Variants in CADM1 observed in about 807,000 individuals in gnomAD.
CADM1 encodes TSLC-1.
CADM1 carries 15 observed loss-of-function variants against 53.1 expected under a neutral mutation model. The ratio of observed to expected loss-of-function variants is 0.28; its 90% CI spans 0.19 to 0.44. The LOEUF (loss-of-function observed/expected upper bound fraction) is 0.44, where lower values mean the gene tolerates loss of function less well. Among genes scored for constraint, CADM1 ranks in the 20% least tolerant of loss-of-function variants. CADM1 has a pLI of 1.00. For synonymous variants in CADM1, 281 were observed against 243.0 expected, an observed-to-expected ratio of 1.16 and a Z score of -1.45; for missense variants, 434 against 611.3, an observed-to-expected ratio of 0.71 and a Z score of 3.06.
intron 8 of CADM1, among the ~76,000 whole-genome samples, chr11:115,207,856 G>A (rs751121978): frequency 6.6e-6 from 1 of 152,144 alleles, no homozygotes; most frequent in Non-Finnish European, 1.5e-5. Context: ...GAATTACGCA[G>A]TATATTTTAC....
At chr11:115,479,707 T>C (rs1379162975) in intron 1 of CADM1, among the ~76,000 whole-genome samples, 1 of 152,192 alleles carries the variant, frequency 6.6e-6, no homozygotes, top group African/African-American at 2.4e-5. Context: ...GGGAAAAATG[T>C]ATTATAAACA....
chr11:115,191,780 T>TA (rs1468319618), intron 9 of CADM1, among the ~76,000 whole-genome samples: 3 of 152,356 alleles, frequency 2.0e-5, no homozygotes, highest in African/African-American at 7.2e-5. Flanking sequence ...CACAAAATGT[T>TA]AGACATTCAA....
intron 1 of CADM1, among the ~76,000 whole-genome samples, chr11:115,473,244 A>C (rs936655190): frequency 3.3e-5 from 5 of 152,204 alleles, no homozygotes; most frequent in East Asian, 1.9e-4. Flanking sequence ...GGATCGCTTG[A>C]GGGCAGGAGT....
intron 4 of CADM1, 152 bp downstream of exon 4, chr11:115,231,201 T>C (rs1941800447): frequency 1.2e-6 from 1 of 868,166 alleles, no homozygotes; most frequent in Non-Finnish European, 1.9e-6. Context: ...TTTTATGCTT[T>C]GGCCTCAGAC....
intron 1 of CADM1, among the ~76,000 whole-genome samples, chr11:115,503,374 G>C (rs1226751480): frequency 1.3e-5 from 2 of 152,220 alleles, no homozygotes; most frequent in East Asian, 3.9e-4. Context: ...CTTCACGCAG[G>C]GAGCGCGCGG....
At chr11:115,277,555 G>A (rs926978480) in intron 1 of CADM1, among the ~76,000 whole-genome samples, 1 of 152,164 alleles carries the variant, frequency 6.6e-6, no homozygotes, top group African/African-American at 2.4e-5. Context: ...AATTGTGAAA[G>A]ATGAGAGGAA....
chr11:115,344,316 A>G (rs772959997), intron 1 of CADM1, among the ~76,000 whole-genome samples: 2 of 152,074 alleles, frequency 1.3e-5, no homozygotes, highest in African/African-American at 2.4e-5. Context: ...CTTCAATGTC[A>G]TATCTTTGTT....
At chr11:115,462,922 G>A (rs1948826441) in intron 1 of CADM1, among the ~76,000 whole-genome samples, 1 of 152,166 alleles carries the variant, frequency 6.6e-6, no homozygotes, top group African/African-American at 2.4e-5. Flanking sequence ...GATGAAGCAG[G>A]ATGAAGAGGG....
At chr11:115,355,785 T>A (rs1359913488) in intron 1 of CADM1, among the ~76,000 whole-genome samples, 2 of 152,128 alleles carry the variant, frequency 1.3e-5, no homozygotes, top group Non-Finnish European at 2.9e-5. Context: ...AGTTCTCTTA[T>A]ACTTTATGCA....
At chr11:115,240,118 A>C (rs1942172238) in intron 2 of CADM1, among the ~76,000 whole-genome samples, 156 bp downstream of exon 2, 1 of 152,220 alleles carries the variant, frequency 6.6e-6, no homozygotes, top group South Asian at 2.1e-4. Context: ...TTAAGTAGAA[A>C]GATTATGATT....
chr11:115,384,537 C>T (rs1333404722), intron 1 of CADM1, among the ~76,000 whole-genome samples: 1 of 152,168 alleles, frequency 6.6e-6, no homozygotes, highest in Non-Finnish European at 1.5e-5. Flanking sequence ...AAAACATTTA[C>T]AAATGCTTCT....
intron 1 of CADM1, among the ~76,000 whole-genome samples, chr11:115,430,326 CTTTA>C (rs919207575): frequency 4.2e-4 from 64 of 152,118 alleles, no homozygotes; most frequent in East Asian, 1.5e-3. Flanking sequence ...TCCTGACAAT[CTTTA>C]TTTATTTAAG....
chr11:115,339,019 A>G (rs1310748485), intron 1 of CADM1, among the ~76,000 whole-genome samples: 1 of 142,934 alleles, frequency 7.0e-6, no homozygotes, highest in Non-Finnish European at 1.5e-5. Context: ...AGCATTAGGT[A>G]TATCTCCCAA....
intron 1 of CADM1, among the ~76,000 whole-genome samples, chr11:115,315,335 C>A (rs551360204): frequency 6.6e-6 from 1 of 152,058 alleles, no homozygotes; most frequent in Non-Finnish European, 1.5e-5. Context: ...GGATGGGACA[C>A]GACACATTTT....
chr11:115,228,456 G>C (rs1041115902), intron 5 of CADM1, among the ~76,000 whole-genome samples: 5 of 152,190 alleles, frequency 3.3e-5, no homozygotes, highest in Non-Finnish European at 7.3e-5. Context: ...CAAATACAAA[G>C]TGAGAAGCTG....
chr11:115,194,283 A>C (rs1435952171), intron 9 of CADM1, among the ~76,000 whole-genome samples: 1 of 152,220 alleles, frequency 6.6e-6, no homozygotes. Context: ...AAATGGGCTT[A>C]AGAATTTCCC....
At chr11:115,397,256 T>C (rs1471228562) in intron 1 of CADM1, 1 of 152,158 alleles carries the variant, frequency 6.6e-6, no homozygotes, top group Non-Finnish European at 1.5e-5. Flanking sequence ...CTATTTATAT[T>C]CTTCCCCAGC....
At chr11:115,220,642 T>G (rs900117479) in intron 5 of CADM1, among the ~76,000 whole-genome samples, 3 of 152,184 alleles carry the variant, frequency 2.0e-5, no homozygotes, top group African/African-American at 7.2e-5. Flanking sequence ...AGGCATATTA[T>G]CTGACCACGG....
intron 1 of CADM1, among the ~76,000 whole-genome samples, chr11:115,399,819 AC>A (rs11365757): frequency 1 from 152,242 of 152,242 alleles, 76,121 homozygotes; most frequent in Non-Finnish European, 1. Flanking sequence ...ACATATAGAA[AC>A]CCTCTTTCAC....
Sources: gnomAD v4.1 joint callset for allele counts (sites outside exome capture counted in the v4.1 genomes callset) on GRCh38, gnomAD v4.1.1 for gene constraint, MANE v1.5 for transcripts, NCBI Gene and HGNC (gene_info 2026-07-23, HGNC 2026-07-21) for gene names.